The following PHLPP1 variants were observed in gnomAD, a reference collection of about 807,000 sequenced individuals.
The protein encoded by PHLPP1 is PH domain leucine-rich repeat-containing protein phosphatase 1.
In PHLPP1, 42 loss-of-function variants were observed where a neutral mutation model predicts 117.2. The ratio of observed to expected loss-of-function variants is 0.36; its 90% CI spans 0.28 to 0.46. The LOEUF (loss-of-function observed/expected upper bound fraction) is 0.46. Ranked by LOEUF, PHLPP1 falls within the 20% of genes least tolerant of loss-of-function variation. PHLPP1 has a pLI of 1.00. For synonymous variants in PHLPP1, 1,042 were observed against 970.7 expected, an observed-to-expected ratio of 1.07 and a Z score of -1.37; for missense variants, 2,084 against 2,241.9, an observed-to-expected ratio of 0.93 and a Z score of 1.42.
intron 2 of PHLPP1, among the ~76,000 whole-genome samples, chr18:62,833,096 G>C (rs752535249): frequency 6.6e-6 from 1 of 152,000 alleles, no homozygotes; most frequent in Non-Finnish European, 1.5e-5. Flanking sequence ...TTTTTAAAAA[G>C]ACAGTCTTGC....
Position 62,766,960 on chromosome 18 carries a change from A to G in PHLPP1, c.1576+49701A>G, listed in dbSNP as rs554106113. The stretch of plus-strand genomic sequence containing the variant: ...TTTATAAATGTTCTTGGGGGTGGAA[A>G]GTAGAAACAAGCTGGGACCTGTTAT... On this transcript the variant is annotated intron_variant, in intron 1 of 16. Coordinates refer to ENST00000262719, the MANE Select transcript of PHLPP1 (RefSeq NM_194449.4). 5.3e-5 allele frequency among the ~76,000 whole-genome samples: 8 copies of G among 152,322 alleles called. 1 individual carries two copies. The East Asian group carries it at 1.5e-3, about 29-fold the overall frequency.
At chr18:62,783,316 C>A (rs71352594) in intron 1 of PHLPP1, among the ~76,000 whole-genome samples, 1 of 150,900 alleles carries the variant, frequency 6.6e-6, no homozygotes, top group African/African-American at 2.4e-5. Flanking sequence ...CAAGCTCTGC[C>A]TCCTGGGTTC....
Position 62,906,100 on chromosome 18 carries a change from T to G in PHLPP1, c.2708+816T>G, listed in dbSNP as rs538582821. Among the ~76,000 whole-genome samples, 12 of 152,376 alleles carry G rather than the reference T, an allele frequency of 7.9e-5. No homozygotes were observed. In the South Asian group the frequency reaches 2.5e-3, roughly 32 times the overall value. On this transcript the variant is annotated intron_variant, in intron 8 of 16. Coordinates refer to ENST00000262719, the MANE Select transcript of PHLPP1 (RefSeq NM_194449.4). ...ACAACTGTTAACTCATTTCAGGGCT[T>G]AAATTCTGGTGTGTTTATTAACAGT...
At chr18:62,913,476 AATTATTT>A (rs1299033272) in intron 8 of PHLPP1, among the ~76,000 whole-genome samples, 3 of 152,148 alleles carry the variant, frequency 2.0e-5, no homozygotes, top group Admixed American at 1.3e-4. Context: ...CTAACATCAA[AATTATTT>A]TTCCTTTTGC....
At chr18:62,947,301 G>A (rs1397178716) in intron 12 of PHLPP1, among the ~76,000 whole-genome samples, 1 of 152,178 alleles carries the variant, frequency 6.6e-6, no homozygotes, top group African/African-American at 2.4e-5. Context: ...GTGTCACATA[G>A]GAAGAACTCC....
intron 10 of PHLPP1, 30 bp downstream of exon 10, chr18:62,920,144 A>T (rs1285829768): frequency 6.3e-7 from 1 of 1,596,592 alleles, no homozygotes; most frequent in African/African-American, 1.3e-5. Context: ...TTATCATCTG[A>T]GTCTATAAAT....
At chr18:62,958,554 A>G in intron 12 of PHLPP1, 75 bp from the exon 13 acceptor site, 1 of 1,426,350 alleles carries the variant, frequency 7.0e-7, no homozygotes, top group Non-Finnish European at 9.7e-7. Context: ...TTGCATGCAA[A>G]GAGTAGGAGT....
intron 1 of PHLPP1, among the ~76,000 whole-genome samples, chr18:62,751,016 G>A (rs1203010852): frequency 1.3e-5 from 2 of 152,202 alleles, no homozygotes; most frequent in Non-Finnish European, 2.9e-5. Context: ...CCCAAAGTGA[G>A]AGATGCATTT....
chr18:62,717,222 G>A lies in PHLPP1; in HGVS notation c.1539G>A (p.Met513Ile). The change falls in exon 1 of 17, where the codon ATG (methionine) becomes ATA (isoleucine). Residue 513 changes from methionine (M) to isoleucine (I), a missense_variant. Met to Ile is a conservative substitution (Grantham distance 10, BLOSUM62 1). Around this residue, in one of 2 missense-constraint regions of PHLPP1, gnomAD observed 1,365 missense variants for 1,605.9 expected, o/e 0.85. Coordinates refer to ENST00000262719, the MANE Select transcript of PHLPP1 (RefSeq NM_194449.4). ...TGTGGAGGGTGCAGGAGGAAGGCAT[G>A]GACTCGGAGATTGGCTGCCTCATCC... ...GELWRVQEEG[M>I]DSEIGCLIRF... The A allele has an allele frequency of 6.2e-7, 1 of 1,604,172 alleles. No homozygotes were observed. Among genetic ancestry groups the A allele is most frequent in the Non-Finnish European group, 8.5e-7 (1 of 1,173,642 alleles).
chr18:62,961,855 G>A (rs1389252657), intron 13 of PHLPP1, among the ~76,000 whole-genome samples: 1 of 152,164 alleles, frequency 6.6e-6, no homozygotes, highest in African/African-American at 2.4e-5. Context: ...GTAATTGAGA[G>A]TAGAAACTTT....
intron 6 of PHLPP1, among the ~76,000 whole-genome samples, chr18:62,899,606 C>T (rs1385815070): frequency 6.6e-6 from 1 of 152,168 alleles, no homozygotes; most frequent in Non-Finnish European, 1.5e-5. Context: ...ATTTGACTCT[C>T]CTTACTAAAT....
chr18:62,740,744 A>G (rs1045730337), intron 1 of PHLPP1, among the ~76,000 whole-genome samples: 1 of 152,190 alleles, frequency 6.6e-6, no homozygotes, highest in Non-Finnish European at 1.5e-5. Context: ...AGACTGAGGC[A>G]GGGGATCACC....
intron 1 of PHLPP1, among the ~76,000 whole-genome samples, chr18:62,825,654 A>G (rs1419020736): frequency 2.0e-5 from 3 of 151,616 alleles, no homozygotes; most frequent in Non-Finnish European, 4.4e-5. Context: ...GGGTTTCACT[A>G]TGTTGCTCAG....
Position 62,717,125 on chromosome 18 carries a change from G to A in PHLPP1, c.1442G>A (p.Arg481Gln). Reference protein sequence around the residue: ...LYVQLHGETTRRLEAEEKPLQ... With the variant: ...LYVQLHGETTQRLEAEEKPLQ... The stretch of plus-strand genomic sequence containing the variant: ...GTGCAGCTCCACGGAGAGACCACCC[G>A]GCGCTTGGAGGCGGAGGAGAAGCCA... Residue 481 changes from arginine to glutamine, a missense_variant, in exon 1 of 17, where the codon CGG becomes CAG. Physicochemically the swap from Arg to Gln is conservative, Grantham distance 43. Around this residue, in one of 2 missense-constraint regions of PHLPP1, gnomAD observed 1,365 missense variants for 1,605.9 expected, o/e 0.85. Coordinates refer to ENST00000262719, the MANE Select transcript of PHLPP1 (RefSeq NM_194449.4). 3 of 1,392,210 alleles carry A rather than the reference G, an allele frequency of 2.2e-6. No individual in the cohort carries two copies. Among genetic ancestry groups the A allele is most frequent in the Non-Finnish European group, 2.9e-6 (3 of 1,043,514 alleles). 86.2% of individuals were successfully genotyped at this position (1,392,210 alleles called of 1,614,324 possible).
At chr18:62,967,685 T>A (rs989010569) in intron 14 of PHLPP1, among the ~76,000 whole-genome samples, 2 of 152,202 alleles carry the variant, frequency 1.3e-5, no homozygotes, top group Non-Finnish European at 2.9e-5. Flanking sequence ...CATAGACTTT[T>A]TCTGTATCAA....
At chr18:62,899,489 T>A (rs1244016810) in intron 6 of PHLPP1, among the ~76,000 whole-genome samples, 2 of 152,020 alleles carry the variant, frequency 1.3e-5, no homozygotes, top group Non-Finnish European at 2.9e-5. Flanking sequence ...AATCAGATGA[T>A]TTGCTTCCTT....
chr18:62,808,558 T>TTTTTTTTTTTTTTGG (rs1297725096), intron 1 of PHLPP1, among the ~76,000 whole-genome samples: 208 of 144,542 alleles, frequency 1.4e-3, no homozygotes, highest in African/African-American at 5.1e-3. Flanking sequence ...TTTTTTTTTG[T>TTTTTTTTTTTTTTGG]TTTTTTTTTT....
At chr18:62,870,310 G>A (rs958186122) in intron 4 of PHLPP1, among the ~76,000 whole-genome samples, 1 of 152,104 alleles carries the variant, frequency 6.6e-6, no homozygotes, top group African/African-American at 2.4e-5. Flanking sequence ...GTACACACAT[G>A]CATATATACC....
At chr18:62,815,908 T>C (rs952378587) in intron 1 of PHLPP1, among the ~76,000 whole-genome samples, 1 of 152,366 alleles carries the variant, frequency 6.6e-6, no homozygotes, top group South Asian at 2.1e-4. Flanking sequence ...GTCAGAATTA[T>C]GACATACCTG....
Sources: allele counts gnomAD v4.1 joint callset (sites outside exome capture counted in the v4.1 genomes callset), GRCh38; gene constraint gnomAD v4.1.1; regional missense constraint gnomAD v4.1.1; transcripts MANE v1.5; gene names NCBI Gene and HGNC (gene_info 2026-07-23, HGNC 2026-07-21).